The following ARHGAP24 variants were observed in gnomAD, a reference collection of about 807,000 sequenced individuals.
ARHGAP24 encodes rho GTPase-activating protein 24.
ARHGAP24 carries 50 observed loss-of-function variants against 76.4 expected under a neutral mutation model. The ratio of observed to expected loss-of-function variants is 0.65; its 90% CI spans 0.52 to 0.83. The LOEUF (loss-of-function observed/expected upper bound fraction) is 0.83, where lower values mean the gene tolerates loss of function less well. Among genes scored for constraint, ARHGAP24 ranks in the 40% least tolerant of loss-of-function variants. The pLI is 0.00. For synonymous variants in ARHGAP24, 345 were observed against 323.3 expected (o/e 1.07, Z -0.72); for missense variants, 930 against 914.2 (o/e 1.02, Z -0.22).
At chr4:85,566,252 C>G (rs1036476465) in intron 1 of ARHGAP24, among the ~76,000 whole-genome samples, 20 of 152,164 alleles carry the variant, frequency 1.3e-4, no homozygotes, top group Non-Finnish European at 2.4e-4. Context: ...GCTACCATGG[C>G]CTGACTTCAG....
At chr4:85,730,858 A>G (rs373713744) in intron 3 of ARHGAP24, among the ~76,000 whole-genome samples, 200 of 152,036 alleles carry the variant, frequency 1.3e-3, no homozygotes, top group African/African-American at 4.6e-3. Context: ...CAAACCCACC[A>G]GTTTTCTTTT....
intron 3 of ARHGAP24, among the ~76,000 whole-genome samples, chr4:85,794,389 A>G (rs1728256514): frequency 6.6e-6 from 1 of 152,236 alleles, no homozygotes; most frequent in South Asian, 2.1e-4. Context: ...GACATGATCA[A>G]TGATGTGTAC....
chr4:85,849,937 T>C (rs1731124054), intron 3 of ARHGAP24, among the ~76,000 whole-genome samples: 1 of 152,216 alleles, frequency 6.6e-6, no homozygotes, highest in Admixed American at 6.5e-5. Context: ...TGCCAGACTT[T>C]GGTATCAGGA....
Position 85,570,690 on chromosome 4 carries a change from A to G in ARHGAP24, c.149A>G (p.Tyr50Cys), listed in dbSNP as rs374747026. ...WFVLKGDQLY[Y>C]FKDEDETKPL... ...GTGCTCAAGGGGGATCAGCTCTATTATTTCAAAGATGAAGATGAAACCAAG... is the reference window on the plus strand; with the variant it reads ...GTGCTCAAGGGGGATCAGCTCTATTGTTTCAAAGATGAAGATGAAACCAAG... Residue 50 changes from tyrosine to cysteine, a missense_variant, in exon 2 of 10, where the codon TAT becomes TGT. Physicochemically the swap from Tyr to Cys is radical, Grantham distance 194. Transcript: ENST00000395184. 3.7e-6 allele frequency: 6 copies of G among 1,613,978 alleles called. No homozygotes were observed. The African/African-American group carries it at 8.0e-5, about 22-fold the overall frequency.
chr4:85,491,440 A>G (rs1162083402), intron 1 of ARHGAP24, among the ~76,000 whole-genome samples: 1 of 152,130 alleles, frequency 6.6e-6, no homozygotes, highest in African/African-American at 2.4e-5. Flanking sequence ...ATTGCCACTT[A>G]CTGTTCTTGG....
intron 1 of ARHGAP24, among the ~76,000 whole-genome samples, chr4:85,563,469 C>A (rs574400454): frequency 6.6e-6 from 1 of 152,280 alleles, no homozygotes; most frequent in South Asian, 2.1e-4. Context: ...AAAGAGACCA[C>A]AAATTTTCTG....
chr4:85,976,400 A>C (rs1278632617), intron 7 of ARHGAP24, among the ~76,000 whole-genome samples: 1 of 152,212 alleles, frequency 6.6e-6, no homozygotes, highest in African/African-American at 2.4e-5. Context: ...TCTTTGGAGA[A>C]GATCCCCCCT....
At chr4:85,844,192 C>G (rs1730747912) in intron 3 of ARHGAP24, among the ~76,000 whole-genome samples, 1 of 151,974 alleles carries the variant, frequency 6.6e-6, no homozygotes, top group African/African-American at 2.4e-5. Flanking sequence ...GTTTTATAAA[C>G]TAGATTTAGG....
intron 3 of ARHGAP24, among the ~76,000 whole-genome samples, chr4:85,815,794 C>A (rs528433406): frequency 6.6e-6 from 1 of 152,194 alleles, no homozygotes; most frequent in Non-Finnish European, 1.5e-5. Context: ...TCTACTGTTA[C>A]CAGTTTACTG....
chr4:85,523,719 T>A (rs1724876254), intron 1 of ARHGAP24, among the ~76,000 whole-genome samples: 1 of 152,012 alleles, frequency 6.6e-6, no homozygotes, highest in Admixed American at 6.6e-5. Flanking sequence ...ACCTATAATA[T>A]GTAAATATAG....
Position 85,769,092 on chromosome 4 carries a change from T to C in ARHGAP24, c.268+47120T>C, listed in dbSNP as rs1051473968. ...TTCATATTAGAAATAGTCATATCCT[T>C]ATGAAAAAAACGGTGATTAAAAGAC... On this transcript the variant is annotated intron_variant, in intron 3 of 9. Transcript: ENST00000395184. Among the ~76,000 whole-genome samples the C allele has an allele frequency of 2.6e-5, 4 of 152,062 alleles. 1 individual carries two copies. The South Asian group carries it at 8.3e-4, about 32-fold the overall frequency.
At chr4:85,564,924 GTATATATATATATATA>G (rs3028011) in intron 1 of ARHGAP24, among the ~76,000 whole-genome samples, 668 of 53,260 alleles carry the variant, frequency 0.013, 20 homozygotes, top group East Asian at 0.04. Context: ...AACACACACG[GTATATATATATATATA>G]TATATATATA....
chr4:85,800,009 A>G (rs1298551923), intron 3 of ARHGAP24, among the ~76,000 whole-genome samples: 1 of 152,196 alleles, frequency 6.6e-6, no homozygotes, highest in Non-Finnish European at 1.5e-5. Flanking sequence ...CTAAAGAGAC[A>G]TAAAAACTAA....
At chr4:85,749,846 C>A (rs1281698270) in intron 3 of ARHGAP24, among the ~76,000 whole-genome samples, 2 of 152,114 alleles carry the variant, frequency 1.3e-5, no homozygotes, top group African/African-American at 4.8e-5. Context: ...GGATTACAGG[C>A]GTGAGCCACC....
chr4:85,601,198 T>A (rs1428223587), intron 2 of ARHGAP24, among the ~76,000 whole-genome samples: 1 of 152,194 alleles, frequency 6.6e-6, no homozygotes, highest in African/African-American at 2.4e-5. Context: ...ACCATGGAAG[T>A]GAAATTATAA....
At chr4:85,919,213 C>T (rs1039203462) in intron 3 of ARHGAP24, among the ~76,000 whole-genome samples, 1 of 152,124 alleles carries the variant, frequency 6.6e-6, no homozygotes, top group Admixed American at 6.5e-5. Context: ...AAAGGGCTAA[C>T]GAAGAAAGTG....
rs1017150335 is a variant in ARHGAP24, at chr4:85,706,990, C to A, written c.181-14895C>A. On this transcript the variant is annotated intron_variant, in intron 2 of 9. Coordinates refer to ENST00000395184, the MANE Select transcript of ARHGAP24 (RefSeq NM_001025616.3). ...AGTGCAGTCGTGCTATCATAGCTCA[C>A]TGTAGCCTTGAACTCCTGGGCTAAC... Among the ~76,000 whole-genome samples the A allele has an allele frequency of 2.0e-5, 3 of 152,184 alleles. No individual in the cohort carries two copies. The East Asian group carries it at 5.8e-4, about 29-fold the overall frequency.
At chr4:85,604,160 A>C (rs1163623730) in intron 2 of ARHGAP24, 2 of 152,214 alleles carry the variant, frequency 1.3e-5, no homozygotes, top group African/African-American at 2.4e-5. Flanking sequence ...TAGATAACTC[A>C]TTAGGCTTGA....
chr4:85,944,404 C>T (rs905894592), intron 5 of ARHGAP24, among the ~76,000 whole-genome samples: 1 of 152,194 alleles, frequency 6.6e-6, no homozygotes, highest in African/African-American at 2.4e-5. Context: ...CCTTCACCCA[C>T]TTTTTGATGT....
Sources: allele counts gnomAD v4.1 joint callset (sites outside exome capture counted in the v4.1 genomes callset), GRCh38; gene constraint gnomAD v4.1.1; transcripts MANE v1.5; gene names NCBI Gene and HGNC (gene_info 2026-07-23, HGNC 2026-07-21).